The following KDM7A variants were observed in gnomAD, a reference collection of about 807,000 sequenced individuals.
KDM7A encodes lysine-specific demethylase 7A.
KDM7A carries 28 observed loss-of-function variants against 114.8 expected under a neutral mutation model. That is an observed-to-expected ratio of 0.24 (90% CI 0.18 to 0.33). The LOEUF is 0.33. Among genes scored for constraint, KDM7A ranks in the 10% least tolerant of loss-of-function variants. The pLI, the probability that KDM7A is intolerant of heterozygous loss-of-function variation, is 1.00. For synonymous variants in KDM7A, 423 were observed against 397.8 expected, an observed-to-expected ratio of 1.06 and a Z score of -0.75; for missense variants, 942 against 1,142.5, an observed-to-expected ratio of 0.82 and a Z score of 2.53.
chr7:140,155,544 T>C lies in KDM7A; in HGVS notation c.195-16354A>G, dbSNP rs117730793. 8.2e-3 allele frequency among the ~76,000 whole-genome samples: 1,241 copies of C among 152,212 alleles called. 14 individuals are homozygous for C. Among genetic ancestry groups the C allele is most frequent in the Non-Finnish European group, 0.012 (800 of 68,014 alleles). On this transcript the variant is annotated intron_variant, in intron 1 of 19. Coordinates refer to ENST00000397560, the MANE Select transcript of KDM7A (RefSeq NM_030647.2). ...GTCACCAGTGTATCAGAATACGGAG[T>C]GGGCAATTTAAGAAGACCTGTTGCC...
At chr7:140,127,199 G>T (rs777598767) in intron 5 of KDM7A, among the ~76,000 whole-genome samples, 2 of 152,212 alleles carry the variant, frequency 1.3e-5, no homozygotes, top group African/African-American at 4.8e-5. Context: ...GGCCTCAAGC[G>T]ATCCACTCGC....
rs371176579 is a variant in KDM7A at position 140,086,259 on chromosome 7, C to T, written c.*4835G>A. On this transcript the variant is annotated 3_prime_UTR_variant, in exon 20 of 20. Coordinates refer to ENST00000397560, the MANE Select transcript of KDM7A (RefSeq NM_030647.2). ...TTGGAAGAATCACTGAATACAGTTT[C>T]GAAAGGTTTTAACAACAAAATGTAA... 9 of 152,118 alleles carry T rather than the reference C, an allele frequency of 5.9e-5. No individual in the cohort carries two copies. Among genetic ancestry groups the T allele is most frequent in the South Asian group, 4.2e-4 (2 of 4,814 alleles). 9.4% of individuals were successfully genotyped at this position (152,118 alleles called of 1,614,324 possible).
At chr7:140,163,455 A>G (rs1308474307) in intron 1 of KDM7A, among the ~76,000 whole-genome samples, 1 of 151,420 alleles carries the variant, frequency 6.6e-6, no homozygotes, top group Non-Finnish European at 1.5e-5. Flanking sequence ...CAGCTAATTT[A>G]TTTTTTGTAG....
At position 140,096,977 on chromosome 7, in the gene KDM7A, A is replaced by G; in HGVS notation, c.2087T>C (p.Phe696Ser). The part of the protein sequence containing the change: ...DEKKQEITSN[F>S]KEESNVMRNF... ...CCTCATCACATTAGATTCCTCCTTA[A>G]AGTTGGATGTTATTTCTTGTTTCTT... is the stretch of plus-strand genomic sequence containing the variant. The change falls in exon 16 of 20, where the codon TTT (phenylalanine) becomes TCT (serine). Residue 696 changes from phenylalanine to serine, a missense_variant. Physicochemically the swap from Phe to Ser is radical, Grantham distance 155. Coordinates refer to ENST00000397560, the MANE Select transcript of KDM7A (RefSeq NM_030647.2). The G allele has an allele frequency of 6.2e-7, 1 of 1,612,968 alleles. No individual in the cohort carries two copies. The highest frequency in any genetic ancestry group is 8.5e-7 in the Non-Finnish European group (1 of 1,179,068).
intron 9 of KDM7A, among the ~76,000 whole-genome samples, chr7:140,114,151 T>C (rs958994277): frequency 6.6e-6 from 1 of 152,108 alleles, no homozygotes; most frequent in Non-Finnish European, 1.5e-5. Flanking sequence ...AATAACATAG[T>C]ATTGAAAATA....
At position 140,085,179 on chromosome 7, in the gene KDM7A, G is replaced by C. The variant is rs1817904757; in HGVS notation, c.*5915C>G. ...AAAGGACACACATGTCACACACATT[G>C]ACTGCCTATACAAACAAGACGAGAC... On this transcript the variant is annotated 3_prime_UTR_variant, in exon 20 of 20. Transcript: ENST00000397560. 1.3e-5 allele frequency: 2 copies of C among 152,284 alleles called. No homozygotes were observed. Among genetic ancestry groups the C allele is most frequent in the Admixed American group, 1.3e-4 (2 of 15,280 alleles). 9.4% of individuals were successfully genotyped at this position (152,284 alleles called of 1,614,324 possible).
chr7:140,152,998 T>C (rs530744863), intron 1 of KDM7A, among the ~76,000 whole-genome samples: 25 of 152,016 alleles, frequency 1.6e-4, no homozygotes, highest in Non-Finnish European at 2.5e-4. Context: ...TAGCTGGGAA[T>C]ACAGGCACGC....
At chr7:140,112,037 A>C (rs1818442359) in intron 10 of KDM7A, among the ~76,000 whole-genome samples, 1 of 151,910 alleles carries the variant, frequency 6.6e-6, no homozygotes, top group African/African-American at 2.4e-5. Context: ...CAAATTATAC[A>C]GTTTTGGCAA....
intron 1 of KDM7A, among the ~76,000 whole-genome samples, chr7:140,149,730 TATC>T (rs1794378167): frequency 6.6e-6 from 1 of 152,200 alleles, no homozygotes; most frequent in Non-Finnish European, 1.5e-5. Flanking sequence ...AGCAAATAAA[TATC>T]ATCCCAAAAT....
chr7:140,101,354 C>T (rs1269001789), intron 12 of KDM7A, among the ~76,000 whole-genome samples: 2 of 152,180 alleles, frequency 1.3e-5, no homozygotes, highest in African/African-American at 2.4e-5. Flanking sequence ...AGGCTGACTG[C>T]TGGCTCAAGT....
At chr7:140,156,582 G>T (rs1175494332) in intron 1 of KDM7A, among the ~76,000 whole-genome samples, 3 of 152,182 alleles carry the variant, frequency 2.0e-5, no homozygotes, top group Non-Finnish European at 4.4e-5. Context: ...ACATTTGGAA[G>T]ACTAAGTATA....
chr7:140,173,801 GGTACA>G (rs1178151011), intron 1 of KDM7A, among the ~76,000 whole-genome samples: 1 of 152,042 alleles, frequency 6.6e-6, no homozygotes, highest in African/African-American at 2.4e-5. Context: ...CTCATTTTAT[GGTACA>G]GTAAACATCA....
chr7:140,149,601 C>G (rs1206681193), intron 1 of KDM7A, among the ~76,000 whole-genome samples: 1 of 152,174 alleles, frequency 6.6e-6, no homozygotes, highest in African/African-American at 2.4e-5. Flanking sequence ...TTTCTGCCTA[C>G]CTGGCTGGGT....
chr7:140,156,398 A>C lies in KDM7A; in HGVS notation c.195-17208T>G, dbSNP rs200098036. 3.3e-5 allele frequency among the ~76,000 whole-genome samples: 5 copies of C among 152,320 alleles called. No individual in the cohort carries two copies. In the East Asian group the frequency reaches 9.6e-4, roughly 29 times the overall value. ...TCCAAACTCTATTTTCAAATCCCCT[A>C]TCTCTTGCTTATTATCCTTCTTTTC... On this transcript the variant is annotated intron_variant, in intron 1 of 19. Transcript: ENST00000397560.
intron 1 of KDM7A, among the ~76,000 whole-genome samples, chr7:140,152,549 G>A (rs897306528): frequency 5.9e-5 from 9 of 151,788 alleles, no homozygotes; most frequent in Non-Finnish European, 1.0e-4. Context: ...ACTTGATCCC[G>A]GGAGGCGGAG....
chr7:140,168,969 TAATA>T (rs1445070872), intron 1 of KDM7A, among the ~76,000 whole-genome samples: 1 of 152,204 alleles, frequency 6.6e-6, no homozygotes, highest in Non-Finnish European at 1.5e-5. Context: ...TTACAGTTCG[TAATA>T]TATACAGACA....
intron 1 of KDM7A, among the ~76,000 whole-genome samples, chr7:140,154,068 G>C (rs1794431332): frequency 6.6e-6 from 1 of 152,106 alleles, no homozygotes; most frequent in Non-Finnish European, 1.5e-5. Context: ...AACACACCAT[G>C]GTGACTGAAA....
At chr7:140,116,453 C>G (rs1818531038) in intron 9 of KDM7A, among the ~76,000 whole-genome samples, 1 of 152,082 alleles carries the variant, frequency 6.6e-6, no homozygotes, top group Non-Finnish European at 1.5e-5. Context: ...TAGTTTATAA[C>G]ACAGGTGATA....
intron 7 of KDM7A, among the ~76,000 whole-genome samples, chr7:140,124,018 C>T (rs939776608): frequency 6.0e-5 from 9 of 149,850 alleles, no homozygotes; most frequent in African/African-American, 1.2e-4. Flanking sequence ...TGCAGTGAGC[C>T]GACATCAGGC....
Sources: gnomAD v4.1 joint callset for allele counts (sites outside exome capture counted in the v4.1 genomes callset) on GRCh38, gnomAD v4.1.1 for gene constraint, MANE v1.5 for transcripts, NCBI Gene and HGNC (gene_info 2026-07-23, HGNC 2026-07-21) for gene names.